Variants in CNGB1 observed in about 807,000 individuals in gnomAD.
CNGB1 encodes cyclic nucleotide-gated channel beta-1.
Under a neutral mutation model 151.7 loss-of-function variants are expected in CNGB1, and 126 were observed. The ratio of observed to expected loss-of-function variants is 0.83; its 90% CI spans 0.72 to 0.96. The LOEUF is 0.96. CNGB1 is among the 40% of genes least tolerant of loss of function. The probability of loss-of-function intolerance (pLI) is 0.00; values close to 1 mark genes in which losing one functional copy is unlikely to be tolerated. For synonymous variants in CNGB1, 623 were observed against 635.1 expected (o/e 0.98, Z 0.29); for missense variants, 1,698 against 1,627.0 (o/e 1.04, Z -0.75).
intron 31 of CNGB1, among the ~76,000 whole-genome samples, chr16:57,894,272 C>T (rs189165068): frequency 6.6e-6 from 1 of 152,300 alleles, no homozygotes; most frequent in Admixed American, 6.5e-5. Context: ...GAATCTACAG[C>T]ATGCCATATT....
At chr16:57,897,019 C>G (rs945644911) in intron 31 of CNGB1, among the ~76,000 whole-genome samples, 1 of 151,846 alleles carries the variant, frequency 6.6e-6, no homozygotes, top group African/African-American at 2.4e-5. Context: ...AATGAAGGTA[C>G]TAGGCCAGGC....
Position 57,904,862 on chromosome 16 carries a change from A to G in CNGB1, c.2506T>C (p.Tyr836His). 5 of 1,614,178 alleles carry G rather than the reference A, an allele frequency of 3.1e-6. No homozygotes were observed. The highest frequency in any genetic ancestry group is 4.2e-6 in the Non-Finnish European group (5 of 1,180,030). Residue 836 changes from tyrosine to histidine, a missense_variant, in exon 26 of 33, where the codon TAC becomes CAC. Transcript: ENST00000251102. ...DGVGNSYIRC[Y>H]YFAVKTLITI... ...ATGAGGGTCTTCACAGCAAAGTAGT[A>G]ACAGCGAATATAACTGGAGAGAGAG... is the stretch of plus-strand genomic sequence containing the variant.
intron 9 of CNGB1, among the ~76,000 whole-genome samples, 156 bp downstream of exon 9, chr16:57,960,326 G>T (rs1962211558): frequency 6.6e-6 from 1 of 152,144 alleles, no homozygotes; most frequent in Admixed American, 6.5e-5. Flanking sequence ...GGATTCTGGT[G>T]TCCCCGCCAA....
rs559715422 is a variant in CNGB1 at position 57,955,040 on chromosome 16, C to T, written c.874+2301G>A. On this transcript the variant is annotated intron_variant, in intron 12 of 32. Transcript: ENST00000251102. ...CTGGGATTACAGGCGTGAGCCACCA[C>T]GCCCGGCTATGGGCCTTTTCCACAG... The T allele has an allele frequency of 1.8e-5, 23 of 1,251,782 alleles. No homozygotes were observed. In the African/African-American group the frequency reaches 2.4e-4, roughly 13 times the overall value. 77.5% of individuals were successfully genotyped at this position (1,251,782 alleles called of 1,614,324 possible).
At chr16:57,951,985 G>A (rs1567393181) in intron 12 of CNGB1, among the ~76,000 whole-genome samples, 1 of 152,204 alleles carries the variant, frequency 6.6e-6, no homozygotes, top group Non-Finnish European at 1.5e-5. Flanking sequence ...CTGGGGTTTG[G>A]CCAGGGAGGC....
In CNGB1 at chr16:57,949,381, C is replaced by G. The variant is rs1234739877; in HGVS notation, c.1093G>C (p.Glu365Gln). Residue 365 changes from glutamate (E) to glutamine (Q), a missense_variant, in exon 14 of 33, where the codon GAG (glutamate) becomes CAG (glutamine). Transcript: ENST00000251102. The part of the protein sequence containing the change: ...EDEEEEEEEE[E>Q]EEEEEEVTEV... ...GTCACCTCCTCCTCTTCCTCCTCCT[C>G]CTCCTCTTCCTCTTCCTCCTCCTCA... 1 of 1,612,956 alleles carries G rather than the reference C, an allele frequency of 6.2e-7. No individual in the cohort carries two copies. The highest frequency in any genetic ancestry group is 1.1e-5 in the South Asian group (1 of 91,070).
intron 26 of CNGB1, among the ~76,000 whole-genome samples, chr16:57,904,482 A>G (rs554528078): frequency 6.6e-6 from 1 of 151,932 alleles, no homozygotes; most frequent in African/African-American, 2.4e-5. Context: ...TCTGCAGAAA[A>G]CCATTCAGCC....
intron 18 of CNGB1, among the ~76,000 whole-genome samples, chr16:57,921,527 T>A (rs1033438413): frequency 6.6e-6 from 1 of 152,072 alleles, no homozygotes; most frequent in African/African-American, 2.4e-5. Flanking sequence ...CGGCCAAGTG[T>A]GGGGCTCCTA....
At chr16:57,967,457 G>A in intron 1 of CNGB1, 163 bp from the exon 2 acceptor site, 1 of 661,402 alleles carries the variant, frequency 1.5e-6, no homozygotes, top group South Asian at 1.8e-5. Context: ...AATTTGGGAG[G>A]CTGAGATGGG....
intron 25 of CNGB1, among the ~76,000 whole-genome samples, chr16:57,905,845 C>G (rs3784894): frequency 0.011 from 1,640 of 152,376 alleles, 35 homozygotes; most frequent in East Asian, 0.071. Context: ...ATGCCAGCAC[C>G]TTGATCTTGG....
At chr16:57,900,454 C>G (rs1325468244) in intron 29 of CNGB1, among the ~76,000 whole-genome samples, 1 of 152,170 alleles carries the variant, frequency 6.6e-6, no homozygotes, top group Admixed American at 6.5e-5. Flanking sequence ...AACTTATTAA[C>G]GGCTCTGTGC....
At chr16:57,908,048 C>T (rs1960603336) in intron 25 of CNGB1, among the ~76,000 whole-genome samples, 1 of 152,200 alleles carries the variant, frequency 6.6e-6, no homozygotes, top group Non-Finnish European at 1.5e-5. Flanking sequence ...ACCACCATGC[C>T]CAACTAAGTT....
chr16:57,919,146 C>T lies in CNGB1; in HGVS notation c.1910G>A (p.Arg637His), dbSNP rs775102648. 1.3e-5 allele frequency: 21 copies of T among 1,614,038 alleles called. No homozygotes were observed. Among genetic ancestry groups the T allele is most frequent in the Non-Finnish European group, 1.7e-5 (20 of 1,180,046 alleles). ...CDMLCCKFKH[R>H]PWKKYQFPQS... is the part of the protein sequence containing the mutation. The stretch of plus-strand genomic sequence containing the variant: ...GGGAAACTGGTACTTCTTCCAGGGG[C>T]GGTGTTTGAACTTGCAGCAGAGCAT... Residue 637 changes from arginine to histidine, a missense_variant, in exon 20 of 33, where the codon CGC becomes CAC. Arg to His is a conservative substitution (Grantham distance 29, BLOSUM62 0). Coordinates refer to ENST00000251102, the MANE Select transcript of CNGB1 (RefSeq NM_001297.5).
At position 57,953,130 on chromosome 16, in the gene CNGB1, C is replaced by T. The variant is rs376067179; in HGVS notation, c.875-2590G>A. ...CATAGAAACTGCCACTCCACCCTGG[C>T]ACACCACCTCCTGGTCAGTGGCCTC... On this transcript the variant is annotated intron_variant, in intron 12 of 32. Coordinates refer to ENST00000251102, the MANE Select transcript of CNGB1 (RefSeq NM_001297.5). Among the ~76,000 whole-genome samples the T allele has an allele frequency of 1.1e-4, 16 of 152,336 alleles. No individual in the cohort carries two copies. The East Asian group carries it at 2.7e-3, about 26-fold the overall frequency.
At chr16:57,940,895 G>A (rs543256950) in intron 14 of CNGB1, among the ~76,000 whole-genome samples, 1 of 152,064 alleles carries the variant, frequency 6.6e-6, no homozygotes, top group Admixed American at 6.6e-5. Context: ...TGGGTGCCGG[G>A]CCCAAGCAGC....
chr16:57,916,884 G>A (rs984483352), intron 21 of CNGB1, among the ~76,000 whole-genome samples: 1 of 152,132 alleles, frequency 6.6e-6, no homozygotes, highest in African/African-American at 2.4e-5. Flanking sequence ...AATCCTCATG[G>A]CAACACTGGG....
At chr16:57,961,976 G>A (rs976507486) in intron 7 of CNGB1, among the ~76,000 whole-genome samples, 1 of 152,142 alleles carries the variant, frequency 6.6e-6, no homozygotes, top group Non-Finnish European at 1.5e-5. Flanking sequence ...AAAATTGAGG[G>A]TTTTACATAA....
chr16:57,957,669 C>G lies in CNGB1; in HGVS notation c.838-292G>C, dbSNP rs1304377674. On this transcript the variant is annotated intron_variant, in intron 11 of 32. Transcript: ENST00000251102. ...AGCCAGGCCGAGCTCTTGAGTGACA[C>G]AAAGGCCCAGGACCTGGCCAGGCCT... Among the ~76,000 whole-genome samples the G allele has an allele frequency of 2.6e-5, 4 of 152,362 alleles. No individual in the cohort carries two copies. The South Asian group carries it at 8.3e-4, about 32-fold the overall frequency.
chr16:57,959,124 A>G (rs371959039), intron 10 of CNGB1, among the ~76,000 whole-genome samples: 10 of 152,102 alleles, frequency 6.6e-5, no homozygotes, highest in Middle Eastern at 6.8e-3. Flanking sequence ...CTCCAGATTT[A>G]CTTGTGCGTG....
Sources: allele counts gnomAD v4.1 joint callset (sites outside exome capture counted in the v4.1 genomes callset), GRCh38; gene constraint gnomAD v4.1.1; transcripts MANE v1.5; gene names NCBI Gene and HGNC (gene_info 2026-07-23, HGNC 2026-07-21).